The following CACNA2D1 variants were observed in gnomAD, a reference collection of about 807,000 sequenced individuals.
The protein encoded by CACNA2D1 is calcium voltage-gated channel auxiliary subunit alpha2delta 1.
CACNA2D1 carries 53 observed loss-of-function variants against 171.5 expected under a neutral mutation model. That is an observed-to-expected ratio of 0.31 (90% confidence interval 0.25 to 0.39). The LOEUF is 0.39. Ranked by LOEUF, CACNA2D1 falls within the 10% of genes least tolerant of loss-of-function variation. The pLI is 1.00. For missense variants in CACNA2D1, 903 were observed against 1,299.8 expected, an observed-to-expected ratio of 0.69 and a Z score of 4.69; for synonymous variants, 442 against 443.1, an observed-to-expected ratio of 1.00 and a Z score of 0.03.
At chr7:82,339,505 T>C (rs1449561957) in intron 2 of CACNA2D1, among the ~76,000 whole-genome samples, 1 of 152,230 alleles carries the variant, frequency 6.6e-6, no homozygotes, top group Non-Finnish European at 1.5e-5. Context: ...TTCTAATGTA[T>C]GGCCTTGTCT....
intron 3 of CACNA2D1, among the ~76,000 whole-genome samples, chr7:82,216,874 G>T (rs1236024705): frequency 2.3e-5 from 3 of 131,816 alleles, no homozygotes; most frequent in Non-Finnish European, 3.2e-5. Flanking sequence ...TCTTCAAATT[G>T]CTGTTAAGCC....
At chr7:82,137,333 T>A (rs1791739721) in intron 4 of CACNA2D1, among the ~76,000 whole-genome samples, 1 of 152,152 alleles carries the variant, frequency 6.6e-6, no homozygotes, top group South Asian at 2.1e-4. Context: ...GGCTACAAAC[T>A]ATGTTAGAAA....
At chr7:82,401,504 A>C (rs1218308164) in intron 1 of CACNA2D1, among the ~76,000 whole-genome samples, 1 of 147,260 alleles carries the variant, frequency 6.8e-6, no homozygotes, top group Non-Finnish European at 1.5e-5. Context: ...GGAATTGAAC[A>C]ATGAGATCAC....
chr7:82,139,977 AACGGTG>A (rs1434332403), intron 4 of CACNA2D1, among the ~76,000 whole-genome samples: 1 of 148,816 alleles, frequency 6.7e-6, no homozygotes, highest in African/African-American at 2.5e-5. Flanking sequence ...TATTATTATT[AACGGTG>A]TTTCATTATG....
At chr7:82,085,654 T>C (rs1810377200) in intron 6 of CACNA2D1, among the ~76,000 whole-genome samples, 1 of 152,050 alleles carries the variant, frequency 6.6e-6, no homozygotes, top group Non-Finnish European at 1.5e-5. Context: ...AACAAACTAG[T>C]TGACACTTTA....
intron 7 of CACNA2D1, among the ~76,000 whole-genome samples, chr7:82,072,790 T>C (rs1808484699): frequency 6.6e-6 from 1 of 152,022 alleles, no homozygotes; most frequent in African/African-American, 2.4e-5. Flanking sequence ...AAATTAACTT[T>C]TTTTTCAGTA....
chr7:81,975,267 G>C (rs779008039), intron 24 of CACNA2D1, among the ~76,000 whole-genome samples: 2 of 151,814 alleles, frequency 1.3e-5, no homozygotes, highest in Non-Finnish European at 2.9e-5. Context: ...TAAAAATTTA[G>C]ACAATAAAAA....
chr7:81,953,618 T>C (rs967582433), intron 38 of CACNA2D1, among the ~76,000 whole-genome samples: 1 of 151,878 alleles, frequency 6.6e-6, no homozygotes, highest in Admixed American at 6.6e-5. Context: ...GCTAGATACA[T>C]AGCAACGATT....
intron 12 of CACNA2D1, chr7:82,027,750 A>G (rs1362577796): frequency 2.0e-5 from 3 of 151,672 alleles, no homozygotes; most frequent in Non-Finnish European, 4.4e-5. Context: ...CAGTTTAGTA[A>G]TTCTTAGAAT....
intron 3 of CACNA2D1, among the ~76,000 whole-genome samples, chr7:82,244,712 T>G (rs893069570): frequency 6.6e-6 from 1 of 152,106 alleles, no homozygotes; most frequent in Non-Finnish European, 1.5e-5. Flanking sequence ...ACAGGTCACA[T>G]GAAGGAAAAT....
intron 3 of CACNA2D1, among the ~76,000 whole-genome samples, chr7:82,269,855 T>C (rs1047698718): frequency 3.3e-5 from 5 of 152,156 alleles, no homozygotes; most frequent in Non-Finnish European, 7.4e-5. Context: ...ATTATTAGAG[T>C]GCTTCAGTAG....
intron 3 of CACNA2D1, among the ~76,000 whole-genome samples, chr7:82,327,840 T>G (rs553133458): frequency 6.6e-6 from 1 of 152,348 alleles, no homozygotes; most frequent in Admixed American, 6.5e-5. Flanking sequence ...CTTATTAAGA[T>G]ACTTTCCTAG....
chr7:81,992,150 C>T (rs1344856294), intron 20 of CACNA2D1, among the ~76,000 whole-genome samples: 3 of 151,844 alleles, frequency 2.0e-5, no homozygotes, highest in South Asian at 2.1e-4. Flanking sequence ...GCCGCTGGCA[C>T]ATGTATAATT....
chr7:82,084,521 A>T (rs563683927), intron 7 of CACNA2D1, among the ~76,000 whole-genome samples: 38 of 152,274 alleles, frequency 2.5e-4, no homozygotes, highest in Non-Finnish European at 1.0e-4. Context: ...ATACCTAAGG[A>T]TACCTGCTCA....
rs1214105842 is a variant in CACNA2D1 at position 81,964,214 on chromosome 7, G to A, written c.2720C>T (p.Ala907Val). Reference sequence around the variant, plus strand: ...ACCGTGGATATTACTGACCACATATGCTGAGCGATGTCCTGCTCCTTGTTT... The same window carrying A: ...ACCGTGGATATTACTGACCACATATACTGAGCGATGTCCTGCTCCTTGTTT... ...APKQGAGHRS[A>V]YVPSVADILQ... Residue 907 changes from alanine to valine, a missense_variant, in exon 33 of 39, where the codon GCA becomes GTA. By Grantham distance (64) the Ala-to-Val change is moderately conservative. This residue lies in a region of CACNA2D1 where 623 missense variants were observed against 925.5 expected (regional missense o/e 0.67). Coordinates refer to ENST00000356860, the MANE Select transcript of CACNA2D1 (RefSeq NM_000722.4). 1 of 1,612,602 alleles carries A rather than the reference G, an allele frequency of 6.2e-7. No homozygotes were observed. The highest frequency in any genetic ancestry group is 1.3e-5 in the African/African-American group (1 of 74,768).
intron 1 of CACNA2D1, among the ~76,000 whole-genome samples, chr7:82,351,367 G>A (rs1819826676): frequency 6.6e-6 from 1 of 151,626 alleles, no homozygotes; most frequent in South Asian, 2.1e-4. Flanking sequence ...ACATGTAAGA[G>A]AGCATTTAAA....
At chr7:82,217,913 AT>A (rs1175848627) in intron 3 of CACNA2D1, among the ~76,000 whole-genome samples, 1 of 146,484 alleles carries the variant, frequency 6.8e-6, no homozygotes. Flanking sequence ...AGACTACATT[AT>A]TTATTTATTT....
At chr7:82,186,902 G>A (rs763091664) in intron 3 of CACNA2D1, among the ~76,000 whole-genome samples, 7 of 152,078 alleles carry the variant, frequency 4.6e-5, no homozygotes, top group East Asian at 3.9e-4. Flanking sequence ...AAAAAATAAC[G>A]ATAACAATGT....
At chr7:81,963,220 A>C (rs1562785116) in intron 34 of CACNA2D1, among the ~76,000 whole-genome samples, 2 of 151,794 alleles carry the variant, frequency 1.3e-5, no homozygotes, top group African/African-American at 4.8e-5. Flanking sequence ...TCTTTTAAAA[A>C]CTCTCAAAAT....
Sources: allele counts gnomAD v4.1 joint callset (sites outside exome capture counted in the v4.1 genomes callset), GRCh38; gene constraint gnomAD v4.1.1; regional missense constraint gnomAD v4.1.1; transcripts MANE v1.5; gene names NCBI Gene and HGNC (gene_info 2026-07-23, HGNC 2026-07-21).